Variants in ADCY2 observed in about 807,000 individuals in gnomAD.
ADCY2 encodes adenylate cyclase type 2.
A neutral mutation model predicts 125.2 loss-of-function variants in ADCY2; 31 were observed. The observed-to-expected ratio is 0.25, with a 90% CI of 0.19 to 0.33. ADCY2 has a LOEUF of 0.33. ADCY2 is among the 10% of genes least tolerant of loss of function. ADCY2 has a pLI of 1.00. For synonymous variants in ADCY2, 512 were observed against 548.4 expected, an observed-to-expected ratio of 0.93 and a Z score of 0.93; for missense variants, 904 against 1,418.2, an observed-to-expected ratio of 0.64 and a Z score of 5.82.
chr5:7,615,806 TG>T, intron 3 of ADCY2, among the ~76,000 whole-genome samples: 1 of 152,160 alleles, frequency 6.6e-6, no homozygotes, highest in East Asian at 1.9e-4. Flanking sequence ...TTTTTGTTGT[TG>T]CTGTGAGCAA....
chr5:7,468,474 T>C (rs1467825366), intron 2 of ADCY2, among the ~76,000 whole-genome samples: 3 of 152,200 alleles, frequency 2.0e-5, no homozygotes, highest in African/African-American at 7.2e-5. Context: ...ATCAAATATA[T>C]TCATTTGTAT....
intron 4 of ADCY2, among the ~76,000 whole-genome samples, chr5:7,656,125 G>A (rs1162562441): frequency 2.7e-5 from 4 of 150,752 alleles, no homozygotes; most frequent in African/African-American, 9.8e-5. Context: ...CATGACCTTG[G>A]CTCACTGCAA....
At chr5:7,789,935 G>C in intron 20 of ADCY2, 135 bp downstream of exon 20, 1 of 673,418 alleles carries the variant, frequency 1.5e-6, no homozygotes, top group Non-Finnish European at 2.4e-6. Flanking sequence ...GCCAAGATTG[G>C]CTTGAATTGT....
At chr5:7,807,338 TC>T (rs1744787884) in intron 22 of ADCY2, among the ~76,000 whole-genome samples, 1 of 152,134 alleles carries the variant, frequency 6.6e-6, no homozygotes, top group Admixed American at 6.5e-5. Flanking sequence ...TTCTACTTTC[TC>T]TCTACACCTC....
intron 4 of ADCY2, among the ~76,000 whole-genome samples, chr5:7,659,027 C>T (rs375586986): frequency 1.1e-4 from 16 of 152,230 alleles, no homozygotes; most frequent in South Asian, 8.3e-4. Flanking sequence ...CAACTTAACA[C>T]GTAAAATTTA....
intron 2 of ADCY2, among the ~76,000 whole-genome samples, chr5:7,437,469 A>C (rs762721194): frequency 2.1e-4 from 32 of 152,228 alleles, no homozygotes; most frequent in Non-Finnish European, 4.3e-4. Flanking sequence ...TTTCAGTGTC[A>C]CCGTGCACAC....
intron 3 of ADCY2, among the ~76,000 whole-genome samples, chr5:7,609,862 A>C (rs1737511816): frequency 6.6e-6 from 1 of 152,264 alleles, no homozygotes; most frequent in Admixed American, 6.5e-5. Flanking sequence ...CTGACATACA[A>C]GCCAGGAATG....
At chr5:7,571,620 G>GCTA in intron 3 of ADCY2, among the ~76,000 whole-genome samples, 1 of 152,280 alleles carries the variant, frequency 6.6e-6, no homozygotes, top group Middle Eastern at 3.4e-3. Context: ...GGCCAGAATT[G>GCTA]TGTCACCCCT....
chr5:7,754,848 A>G (rs1335998952), intron 15 of ADCY2, among the ~76,000 whole-genome samples: 2 of 152,084 alleles, frequency 1.3e-5, no homozygotes, highest in Non-Finnish European at 2.9e-5. Flanking sequence ...TGAGAGAGCA[A>G]GACTCCGTCT....
At chr5:7,811,358 G>A (rs890640533) in intron 22 of ADCY2, among the ~76,000 whole-genome samples, 36 of 152,068 alleles carry the variant, frequency 2.4e-4, no homozygotes, top group Middle Eastern at 3.4e-3. Context: ...AAAATGAGCC[G>A]GGCGTGGTGG....
intron 3 of ADCY2, among the ~76,000 whole-genome samples, chr5:7,619,272 T>C (rs1283539311): frequency 1.3e-5 from 2 of 152,172 alleles, no homozygotes; most frequent in African/African-American, 4.8e-5. Context: ...CTCACAAACA[T>C]GCTTTGTAGT....
At position 7,429,037 on chromosome 5, in the gene ADCY2, A is replaced by C. The variant is rs1008441800; in HGVS notation, c.408+14267A>C. ...CACAGAGAGAGAGAGAGAGAGAGAG[A>C]GCTCTAGTGATTTGTAGAGGGTCCC... is the stretch of plus-strand genomic sequence containing the variant. On this transcript the variant is annotated intron_variant, in intron 2 of 24. Coordinates refer to ENST00000338316, the MANE Select transcript of ADCY2 (RefSeq NM_020546.3). Among the ~76,000 whole-genome samples the C allele has an allele frequency of 5.9e-5, 9 of 151,546 alleles. No homozygotes were observed. The East Asian group carries it at 9.7e-4, about 16-fold the overall frequency.
chr5:7,446,362 A>G (rs1443219618), intron 2 of ADCY2, among the ~76,000 whole-genome samples: 1 of 152,164 alleles, frequency 6.6e-6, no homozygotes, highest in African/African-American at 2.4e-5. Flanking sequence ...TCTAAATTTC[A>G]TGATGTGTGA....
chr5:7,707,974 G>T, intron 9 of ADCY2, 136 bp downstream of exon 9: 1 of 905,510 alleles, frequency 1.1e-6, no homozygotes, highest in Non-Finnish European at 1.6e-6. Flanking sequence ...TGCATATGGT[G>T]GTTTAATTAC....
intron 24 of ADCY2, among the ~76,000 whole-genome samples, chr5:7,824,790 G>T: frequency 6.6e-6 from 1 of 152,220 alleles, no homozygotes; most frequent in East Asian, 1.9e-4. Context: ...TGCGCATGGA[G>T]GATTCACCCT....
At chr5:7,744,104 T>C (rs1481516794) in intron 15 of ADCY2, among the ~76,000 whole-genome samples, 7 of 152,086 alleles carry the variant, frequency 4.6e-5, no homozygotes, top group African/African-American at 1.7e-4. Context: ...TACAGGAGGA[T>C]TAAAACTAAC....
chr5:7,409,074 T>C (rs1219305771), intron 1 of ADCY2, among the ~76,000 whole-genome samples: 2 of 152,210 alleles, frequency 1.3e-5, no homozygotes, highest in African/African-American at 2.4e-5. Context: ...ATCATGTCCA[T>C]TGCAGGGACA....
intron 2 of ADCY2, among the ~76,000 whole-genome samples, chr5:7,486,172 C>T (rs143078207): frequency 0.015 from 2,239 of 152,206 alleles, 61 homozygotes; most frequent in African/African-American, 0.05. Flanking sequence ...GCCCGACTGT[C>T]GCTATCTCTT....
chr5:7,453,523 C>T (rs1396082537), intron 2 of ADCY2, among the ~76,000 whole-genome samples: 1 of 152,022 alleles, frequency 6.6e-6, no homozygotes, highest in Non-Finnish European at 1.5e-5. Context: ...AGAAAGAATT[C>T]GACTTAGGAG....
Sources: allele counts gnomAD v4.1 joint callset (sites outside exome capture counted in the v4.1 genomes callset), GRCh38; gene constraint gnomAD v4.1.1; transcripts MANE v1.5; gene names NCBI Gene and HGNC (gene_info 2026-07-23, HGNC 2026-07-21).